Variants in GRIN2B observed in about 807,000 individuals in gnomAD.
GRIN2B encodes the protein glutamate receptor ionotropic, NMDA 2B.
Under a neutral mutation model 114.5 loss-of-function variants are expected in GRIN2B, and 5 were observed. That is an observed-to-expected ratio of 0.04 (90% confidence interval 0.02 to 0.09). The LOEUF (loss-of-function observed/expected upper bound fraction) is 0.09, where lower values mean the gene tolerates loss of function less well. Among genes scored for constraint, GRIN2B ranks in the 10% least tolerant of loss-of-function variants. The pLI is 1.00. For missense variants in GRIN2B, 1,108 were observed against 1,943.5 expected (o/e 0.57, Z 8.08); for synonymous variants, 787 against 745.1 (o/e 1.06, Z -0.92).
intron 2 of GRIN2B, among the ~76,000 whole-genome samples, chr12:13,954,811 G>GAAACAAAAAAAAAAAAAAAAAAAAAA (rs1867555939): frequency 3.9e-5 from 1 of 25,552 alleles, no homozygotes; most frequent in Non-Finnish European, 1.0e-4. Flanking sequence ...TCCGTCTCAG[G>GAAACAAAAAAAAAAAAAAAAAAAAAA]AAAAAAAAAA....
rs1431114399 is a variant in GRIN2B, at chr12:13,561,966, T to C, written c.*817A>G. On this transcript the variant is annotated 3_prime_UTR_variant, in exon 14 of 14. Transcript: ENST00000609686. ...CAAACAATCACACTGCTTGGGGATATTGAAAGAAACAATAGAAAGAGTCAA... is the reference window on the plus strand; with the variant it reads ...CAAACAATCACACTGCTTGGGGATACTGAAAGAAACAATAGAAAGAGTCAA... 6.6e-6 allele frequency: 1 copy of C among 152,662 alleles called. No homozygotes were observed. Among genetic ancestry groups the C allele is most frequent in the East Asian group, 1.9e-4 (1 of 5,180 alleles). 9.5% of individuals were successfully genotyped at this position (152,662 alleles called of 1,614,324 possible). A position where few individuals can be genotyped will look rare whatever the true frequency, so the allele number is the denominator to read the frequency against.
intron 3 of GRIN2B, among the ~76,000 whole-genome samples, chr12:13,846,990 C>T (rs1200427108): frequency 1.3e-5 from 2 of 151,968 alleles, no homozygotes; most frequent in African/African-American, 2.4e-5. Context: ...AAACACGTGT[C>T]GCGGTTGCTA....
At chr12:13,805,398 T>C (rs16909476) in intron 3 of GRIN2B, among the ~76,000 whole-genome samples, 8,634 of 152,268 alleles carry the variant, frequency 0.057, 414 homozygotes, top group African/African-American at 0.13. Flanking sequence ...AAATTTCAAA[T>C]AGTTATCCAA....
chr12:13,869,587 T>C (rs938640055), intron 2 of GRIN2B, among the ~76,000 whole-genome samples: 2 of 152,212 alleles, frequency 1.3e-5, no homozygotes, highest in Non-Finnish European at 2.9e-5. Flanking sequence ...TAAGTCATAC[T>C]TTCCTTTTAT....
At chr12:13,851,498 C>G (rs926261042) in intron 3 of GRIN2B, among the ~76,000 whole-genome samples, 1 of 152,154 alleles carries the variant, frequency 6.6e-6, no homozygotes, top group Non-Finnish European at 1.5e-5. Context: ...CAGTGGTTCT[C>G]AAACTGGGAA....
chr12:13,883,805 T>C (rs1866105631), intron 2 of GRIN2B, among the ~76,000 whole-genome samples: 1 of 152,178 alleles, frequency 6.6e-6, no homozygotes, highest in Non-Finnish European at 1.5e-5. Context: ...CCAGTGTAAT[T>C]AATTTTTTCT....
chr12:13,935,606 G>A (rs140927231), intron 2 of GRIN2B, among the ~76,000 whole-genome samples: 14 of 152,158 alleles, frequency 9.2e-5, no homozygotes, highest in African/African-American at 2.9e-4. Flanking sequence ...CTGTTTCCTC[G>A]CTTATAAAAC....
At chr12:13,900,434 C>T (rs1238903318) in intron 2 of GRIN2B, among the ~76,000 whole-genome samples, 1 of 151,346 alleles carries the variant, frequency 6.6e-6, no homozygotes, top group Non-Finnish European at 1.5e-5. Context: ...GAGATCACGC[C>T]ATTGCACTCC....
intron 5 of GRIN2B, among the ~76,000 whole-genome samples, chr12:13,658,735 T>C (rs1025952447): frequency 6.6e-6 from 1 of 152,086 alleles, no homozygotes; most frequent in Non-Finnish European, 1.5e-5. Context: ...CAGAGCTACA[T>C]TGTTCTGTGA....
At chr12:13,739,355 C>T (rs1048232263) in intron 4 of GRIN2B, among the ~76,000 whole-genome samples, 116 of 66,428 alleles carry the variant, frequency 1.7e-3, no homozygotes, top group African/African-American at 6.6e-3. Flanking sequence ...GCCTGGGCAA[C>T]AAGAGTGAAA....
chr12:13,755,014 T>C (rs931430473), intron 3 of GRIN2B, among the ~76,000 whole-genome samples: 1 of 152,224 alleles, frequency 6.6e-6, no homozygotes, highest in African/African-American at 2.4e-5. Context: ...TTTCCCCTGA[T>C]TTCCTCCTGG....
In GRIN2B at chr12:13,567,136, C is replaced by T; in HGVS notation, c.2487G>A (p.Met829Ile). The T allele has an allele frequency of 1.9e-6, 3 of 1,614,122 alleles. No homozygotes were observed. In the South Asian group the frequency reaches 3.3e-5, roughly 18 times the overall value. Residue 829 changes from methionine to isoleucine, a missense_variant, in exon 13 of 14, where the codon ATG becomes ATA. Coordinates refer to ENST00000609686, the MANE Select transcript of GRIN2B (RefSeq NM_000834.5). ...AGVFYMLGAA[M>I]ALSLITFICE... ...AGATGAAGGTGATGAGGCTGAGAGC[C>T]ATGGCCGCCCCCAACATGTAGAAGA...
At chr12:13,788,825 G>C (rs74067305) in intron 3 of GRIN2B, among the ~76,000 whole-genome samples, 5,572 of 152,230 alleles carry the variant, frequency 0.037, 128 homozygotes, top group African/African-American at 0.061. Flanking sequence ...TTTGCTGCTA[G>C]GAGAGACCAC....
Position 13,555,485 on chromosome 12 carries a change from A to C in GRIN2B, c.*7298T>G, listed in dbSNP as rs1216558889. ...GATTGAGAGATTTGTCTTTAGAGAT[A>C]GTTGTAGGACGGGTGTTTTTGAGAT... On this transcript the variant is annotated 3_prime_UTR_variant, in exon 14 of 14. Coordinates refer to ENST00000609686, the MANE Select transcript of GRIN2B (RefSeq NM_000834.5). The C allele has an allele frequency of 1.3e-5, 2 of 152,206 alleles. No homozygotes were observed. The highest frequency in any genetic ancestry group is 2.9e-5 in the Non-Finnish European group (2 of 68,044). The allele number at this position is 152,206 out of a possible 1,614,324, so 9.4% of individuals were successfully genotyped here.
At chr12:13,905,054 A>G (rs1267726049) in intron 2 of GRIN2B, among the ~76,000 whole-genome samples, 1 of 152,098 alleles carries the variant, frequency 6.6e-6, no homozygotes, top group African/African-American at 2.4e-5. Flanking sequence ...AGATAAACAG[A>G]GATATTTTGA....
At chr12:13,977,833 C>T (rs999709549) in intron 2 of GRIN2B, among the ~76,000 whole-genome samples, 10 of 152,162 alleles carry the variant, frequency 6.6e-5, no homozygotes, top group African/African-American at 2.4e-4. Flanking sequence ...GGCGATTCCT[C>T]CTTGAATCTT....
intron 9 of GRIN2B, 56 bp downstream of exon 9, chr12:13,611,669 A>G: frequency 1.9e-6 from 3 of 1,568,180 alleles, no homozygotes; most frequent in Non-Finnish European, 1.8e-6. Context: ...GAGTCCAGAG[A>G]TTTGAAAATA....
At chr12:13,660,184 C>A (rs886356336) in intron 5 of GRIN2B, among the ~76,000 whole-genome samples, 5 of 152,114 alleles carry the variant, frequency 3.3e-5, no homozygotes, top group Admixed American at 2.6e-4. Flanking sequence ...CTATTCTCTT[C>A]CAAATAATCA....
intron 2 of GRIN2B, among the ~76,000 whole-genome samples, chr12:13,908,626 C>T (rs1591615381): frequency 1.3e-5 from 2 of 152,274 alleles, no homozygotes; most frequent in South Asian, 4.2e-4. Context: ...CTCCCTCTAC[C>T]TTGCACCTGA....
Sources: gnomAD v4.1 joint callset for allele counts (sites outside exome capture counted in the v4.1 genomes callset) on GRCh38, gnomAD v4.1.1 for gene constraint, MANE v1.5 for transcripts, NCBI Gene and HGNC (gene_info 2026-07-23, HGNC 2026-07-21) for gene names.